AKAP7: variants seen among roughly 807,000 people sequenced by gnomAD.
AKAP7 encodes A-kinase anchoring protein 7.
In AKAP7, 39 loss-of-function variants were observed where a neutral mutation model predicts 39.5. The ratio of observed to expected loss-of-function variants is 0.99; its 90% CI spans 0.76 to 1.29. The LOEUF (loss-of-function observed/expected upper bound fraction) is 1.29. Among genes scored for constraint, AKAP7 ranks in the 50% most tolerant of loss-of-function variants. The probability of loss-of-function intolerance (pLI) is 0.00; values close to 1 mark genes in which losing one functional copy is unlikely to be tolerated. For missense variants in AKAP7, 414 were observed against 407.7 expected, an observed-to-expected ratio of 1.02 and a Z score of -0.13; for synonymous variants, 140 against 139.1, an observed-to-expected ratio of 1.01 and a Z score of -0.05.
chr6:131,161,990 A>G (rs1489422515), intron 3 of AKAP7, among the ~76,000 whole-genome samples: 1 of 152,086 alleles, frequency 6.6e-6, no homozygotes, highest in Non-Finnish European at 1.5e-5. Flanking sequence ...TTCGATGAAC[A>G]CCTCTGGGTG....
intron 6 of AKAP7, among the ~76,000 whole-genome samples, chr6:131,219,396 G>A (rs1386881907): frequency 1.3e-5 from 2 of 152,068 alleles, no homozygotes; most frequent in African/African-American, 4.8e-5. Flanking sequence ...TATTTCTGGA[G>A]CTTAAAATGT....
intron 3 of AKAP7, among the ~76,000 whole-genome samples, chr6:131,160,575 T>C (rs1316076860): frequency 6.6e-6 from 1 of 152,222 alleles, no homozygotes; most frequent in Non-Finnish European, 1.5e-5. Context: ...CCAGATGGCA[T>C]GTCAAGGTCA....
chr6:131,268,880 G>C (rs1408318167), intron 7 of AKAP7, among the ~76,000 whole-genome samples: 1 of 152,088 alleles, frequency 6.6e-6, no homozygotes, highest in Non-Finnish European at 1.5e-5. Context: ...ATTCTAAGGA[G>C]TCCTTCATTT....
At chr6:131,230,275 T>C (rs1310221278) in intron 7 of AKAP7, among the ~76,000 whole-genome samples, 1 of 152,256 alleles carries the variant, frequency 6.6e-6, no homozygotes, top group Non-Finnish European at 1.5e-5. Flanking sequence ...TTTGACTTTT[T>C]ATTAATAGAT....
chr6:131,174,668 A>G (rs1331560835), intron 5 of AKAP7, among the ~76,000 whole-genome samples: 2 of 152,206 alleles, frequency 1.3e-5, no homozygotes, highest in African/African-American at 2.4e-5. Flanking sequence ...TTGTTTTTGT[A>G]CCATATTTTA....
chr6:131,279,909 T>C (rs1815069171), intron 7 of AKAP7, among the ~76,000 whole-genome samples: 1 of 152,206 alleles, frequency 6.6e-6, no homozygotes, highest in Admixed American at 6.5e-5. Flanking sequence ...TACAAACAGT[T>C]CCAGTTAATG....
intron 2 of AKAP7, among the ~76,000 whole-genome samples, chr6:131,158,726 CA>C (rs1412619184): frequency 2.0e-5 from 3 of 152,022 alleles, no homozygotes; most frequent in Non-Finnish European, 1.5e-5. Context: ...AGGCTGGTCT[CA>C]CACTCCTGAC....
At chr6:131,170,873 T>A (rs113575153) in intron 5 of AKAP7, among the ~76,000 whole-genome samples, 1 of 152,218 alleles carries the variant, frequency 6.6e-6, no homozygotes, top group South Asian at 2.1e-4. Flanking sequence ...TCCATTCAGA[T>A]GTATCAGAAG....
chr6:131,266,302 GT>G (rs1813794063), intron 7 of AKAP7, among the ~76,000 whole-genome samples: 1 of 152,162 alleles, frequency 6.6e-6, no homozygotes, highest in South Asian at 2.1e-4. Flanking sequence ...ACATGCACTT[GT>G]TCCCCACAGA....
Position 131,199,468 on chromosome 6 carries a change from A to T in AKAP7, c.597A>T (p.Ala199=). 1 of 1,592,042 alleles carries T rather than the reference A, an allele frequency of 6.3e-7. No individual in the cohort carries two copies. Among genetic ancestry groups the T allele is most frequent in the Non-Finnish European group, 8.6e-7 (1 of 1,161,162 alleles). ...VNSLLEIAET[A]NRTFQEKGIL... ...TCTCTTTATTTTCTTCAGAGACTGC[A>T]AATAGGACATTTCAAGAAAAAGGCA... is the stretch of plus-strand genomic sequence containing the variant. The change falls in exon 6 of 8, where the codon GCA becomes GCT. Residue 199 remains alanine (A), a synonymous_variant. Coordinates refer to ENST00000431975, the MANE Select transcript of AKAP7 (RefSeq NM_016377.4).
intron 5 of AKAP7, chr6:131,184,453 GA>G: frequency 1.5e-6 from 1 of 660,926 alleles, no homozygotes; most frequent in Non-Finnish European, 2.9e-6. Flanking sequence ...TCGTAGCCAT[GA>G]TCGCAGCATC....
At chr6:131,236,784 A>G (rs979339269) in intron 7 of AKAP7, among the ~76,000 whole-genome samples, 3 of 152,212 alleles carry the variant, frequency 2.0e-5, no homozygotes, top group African/African-American at 7.2e-5. Flanking sequence ...GAAGTTGCCT[A>G]TCAGCTTAAG....
chr6:131,191,831 C>T (rs896933161), intron 5 of AKAP7, among the ~76,000 whole-genome samples: 1 of 150,990 alleles, frequency 6.6e-6, no homozygotes, highest in Non-Finnish European at 1.5e-5. Context: ...GCCTGGTCCT[C>T]TGGTCCTCGT....
At chr6:131,209,319 C>T (rs932010406) in intron 6 of AKAP7, among the ~76,000 whole-genome samples, 25 of 151,958 alleles carry the variant, frequency 1.6e-4, no homozygotes, top group African/African-American at 9.7e-5. Flanking sequence ...GGTGCGATCT[C>T]GGCTCATTAC....
At chr6:131,195,826 C>T (rs1184871921) in intron 5 of AKAP7, among the ~76,000 whole-genome samples, 4 of 152,132 alleles carry the variant, frequency 2.6e-5, no homozygotes, top group Non-Finnish European at 5.9e-5. Flanking sequence ...TATTGGAGCT[C>T]CAGTGTATGT....
At chr6:131,199,342 ATAAAG>A (rs1807285295) in intron 5 of AKAP7, 114 bp from the exon 6 acceptor site, 1 of 668,912 alleles carries the variant, frequency 1.5e-6, no homozygotes, top group African/African-American at 1.8e-5. Context: ...AAGCAGGTGT[ATAAAG>A]TAATCTTCAC....
chr6:131,282,310 C>T lies in AKAP7; in HGVS notation c.*584C>T. 4 of 1,349,826 alleles carry T rather than the reference C, an allele frequency of 3.0e-6. No homozygotes were observed. The highest frequency in any genetic ancestry group is 2.2e-5 in the South Asian group (1 of 46,194). 83.6% of individuals were successfully genotyped at this position (1,349,826 alleles called of 1,614,324 possible). A position where few individuals can be genotyped will look rare whatever the true frequency, so the allele number is the denominator to read the frequency against. ...TGCAACCTTTTCTATAAAATGTGGG[C>T]AACATTTTAAAGTTTTTTTAAAATC... On this transcript the variant is annotated 3_prime_UTR_variant, in exon 8 of 8. Coordinates refer to ENST00000431975, the MANE Select transcript of AKAP7 (RefSeq NM_016377.4).
chr6:131,205,563 T>C (rs1446548614), intron 6 of AKAP7, among the ~76,000 whole-genome samples: 5 of 152,116 alleles, frequency 3.3e-5, no homozygotes, highest in Non-Finnish European at 7.4e-5. Context: ...ATTTTGAAAA[T>C]ACAGAAACTC....
intron 4 of AKAP7, among the ~76,000 whole-genome samples, chr6:131,166,436 A>G (rs1434051388): frequency 1.3e-5 from 2 of 152,226 alleles, no homozygotes; most frequent in Admixed American, 1.3e-4. Flanking sequence ...GTAGATATCT[A>G]TCTGTATCTG....
Sources: gnomAD v4.1 joint callset for allele counts (sites outside exome capture counted in the v4.1 genomes callset) on GRCh38, gnomAD v4.1.1 for gene constraint, MANE v1.5 for transcripts, NCBI Gene and HGNC (gene_info 2026-07-23, HGNC 2026-07-21) for gene names.